Variants in EPHA6 observed in about 807,000 individuals in gnomAD.
EPHA6 encodes the protein EPH receptor A6.
Under a neutral mutation model 112.0 loss-of-function variants are expected in EPHA6, and 50 were observed. That is an observed-to-expected ratio of 0.45 (90% confidence interval 0.36 to 0.56). EPHA6 has a LOEUF of 0.56. EPHA6 is among the 20% of genes least tolerant of loss of function. The pLI, the probability that EPHA6 is intolerant of heterozygous loss-of-function variation, is 0.00. For synonymous variants in EPHA6, 529 were observed against 490.7 expected, an observed-to-expected ratio of 1.08 and a Z score of -1.03; for missense variants, 1,280 against 1,417.4, an observed-to-expected ratio of 0.90 and a Z score of 1.56.
intron 3 of EPHA6, among the ~76,000 whole-genome samples, chr3:97,133,562 T>C (rs1306365906): frequency 6.6e-6 from 1 of 151,986 alleles, no homozygotes; most frequent in Non-Finnish European, 1.5e-5. Flanking sequence ...GTTAAAATTA[T>C]CATAAAATAT....
At chr3:97,572,960 C>T (rs2093349056) in intron 11 of EPHA6, among the ~76,000 whole-genome samples, 1 of 152,192 alleles carries the variant, frequency 6.6e-6, no homozygotes, top group Non-Finnish European at 1.5e-5. Context: ...GACTCCAAAG[C>T]TCATGCTCTT....
At chr3:97,324,449 C>CTTTCT (rs1274459979) in intron 5 of EPHA6, among the ~76,000 whole-genome samples, 1 of 145,324 alleles carries the variant, frequency 6.9e-6, no homozygotes, top group Non-Finnish European at 1.5e-5. Flanking sequence ...TTCTTTCTTT[C>CTTTCT]TTTCTTTCTT....
At position 97,126,936 on chromosome 3, in the gene EPHA6, C is replaced by T. The variant is rs189522677; in HGVS notation, c.1115-99328C>T. On this transcript the variant is annotated intron_variant, in intron 3 of 17. Transcript: ENST00000389672. ...AGAACACTTAGATCTAATTGAGAAA[C>T]GAAAGAAAAAATTAAAACTGAAGAA... 1.8e-4 allele frequency among the ~76,000 whole-genome samples: 25 copies of T among 139,270 alleles called. No homozygotes were observed. In the East Asian group the frequency reaches 4.1e-3, roughly 23 times the overall value. 91.4% of individuals were successfully genotyped at this position (139,270 alleles called of 152,430 possible). A position where few individuals can be genotyped will look rare whatever the true frequency, so the allele number is the denominator to read the frequency against.
intron 3 of EPHA6, among the ~76,000 whole-genome samples, chr3:97,039,986 C>G (rs997310746): frequency 6.6e-6 from 1 of 151,762 alleles, no homozygotes; most frequent in Non-Finnish European, 1.5e-5. Flanking sequence ...GACCTATCAT[C>G]CTGTTGTTTG....
At chr3:97,296,792 A>G (rs1396329720) in intron 5 of EPHA6, among the ~76,000 whole-genome samples, 1 of 152,046 alleles carries the variant, frequency 6.6e-6, no homozygotes, top group Non-Finnish European at 1.5e-5. Flanking sequence ...GGGGCAGCCT[A>G]CTCAGTGCAC....
chr3:97,179,718 TC>T (rs1458893493), intron 3 of EPHA6, among the ~76,000 whole-genome samples: 1 of 11,854 alleles, frequency 8.4e-5, no homozygotes. Context: ...ACCTACAGAG[TC>T]TCTCTCTCTC....
chr3:97,075,072 G>A (rs190196350), intron 3 of EPHA6, among the ~76,000 whole-genome samples: 17 of 151,968 alleles, frequency 1.1e-4, no homozygotes, highest in Admixed American at 1.1e-3. Context: ...CAGCAATTAG[G>A]ACTACTTGCA....
chr3:97,507,814 A>G (rs1279081969), intron 10 of EPHA6, among the ~76,000 whole-genome samples: 1 of 151,858 alleles, frequency 6.6e-6, no homozygotes, highest in African/African-American at 2.4e-5. Context: ...TTGATAGGCT[A>G]TTAATTACTG....
chr3:97,565,729 G>C (rs1021721731), intron 11 of EPHA6, among the ~76,000 whole-genome samples: 1 of 151,962 alleles, frequency 6.6e-6, no homozygotes, highest in Non-Finnish European at 1.5e-5. Context: ...ATAAAGAAAA[G>C]AGATTTAGGC....
chr3:96,998,014 G>A (rs962163939), intron 3 of EPHA6, among the ~76,000 whole-genome samples: 41 of 151,742 alleles, frequency 2.7e-4, no homozygotes, highest in African/African-American at 9.7e-4. Flanking sequence ...TATAATTTTA[G>A]CAAATTATTT....
intron 5 of EPHA6, among the ~76,000 whole-genome samples, chr3:97,346,596 G>A (rs962391661): frequency 2.6e-5 from 4 of 151,940 alleles, no homozygotes; most frequent in East Asian, 3.9e-4. Context: ...AGGGAAAGGA[G>A]GAAGGAACGT....
chr3:97,743,671 A>T (rs185955856), intron 16 of EPHA6, among the ~76,000 whole-genome samples: 1 of 152,216 alleles, frequency 6.6e-6, no homozygotes, highest in East Asian at 1.9e-4. Flanking sequence ...TGCTAATCAC[A>T]TATACATGTA....
At chr3:97,152,105 A>G (rs1489322498) in intron 3 of EPHA6, among the ~76,000 whole-genome samples, 3 of 151,956 alleles carry the variant, frequency 2.0e-5, no homozygotes, top group East Asian at 3.9e-4. Context: ...TTTAAAATTA[A>G]TGGCCATAAT....
At chr3:97,627,134 C>G (rs2093864485) in intron 13 of EPHA6, among the ~76,000 whole-genome samples, 1 of 151,862 alleles carries the variant, frequency 6.6e-6, no homozygotes, top group African/African-American at 2.4e-5. Context: ...AGTTAGGTGG[C>G]TTGCCCAATG....
intron 5 of EPHA6, among the ~76,000 whole-genome samples, chr3:97,366,174 T>C (rs1488500431): frequency 3.3e-5 from 5 of 152,234 alleles, no homozygotes; most frequent in African/African-American, 1.2e-4. Context: ...CACATTGTGA[T>C]TTATTGATCC....
rs192949142 is a variant in EPHA6, at chr3:97,272,185, T to A, written c.1606+27898T>A. Among the ~76,000 whole-genome samples, 9 of 152,322 alleles carry A rather than the reference T, an allele frequency of 5.9e-5. No homozygotes were observed. In the East Asian group the frequency reaches 1.5e-3, roughly 26 times the overall value. On this transcript the variant is annotated intron_variant, in intron 5 of 17. Coordinates refer to ENST00000389672, the MANE Select transcript of EPHA6 (RefSeq NM_001080448.3). Reference sequence around the variant, plus strand: ...ACACATAAATGAGATCATACAGCATTTTCCTTTAGGGGTCTGCCTTACTTC... The same window carrying A: ...ACACATAAATGAGATCATACAGCATATTCCTTTAGGGGTCTGCCTTACTTC...
At chr3:97,559,116 AATG>A (rs2093153885) in intron 11 of EPHA6, among the ~76,000 whole-genome samples, 1 of 152,048 alleles carries the variant, frequency 6.6e-6, no homozygotes, top group Non-Finnish European at 1.5e-5. Flanking sequence ...TAAGTAGTAT[AATG>A]ATGACAAAAG....
At chr3:96,978,785 C>T (rs1015512687) in intron 2 of EPHA6, among the ~76,000 whole-genome samples, 2 of 152,004 alleles carry the variant, frequency 1.3e-5, no homozygotes, top group Non-Finnish European at 2.9e-5. Context: ...GTATTTTGTA[C>T]TTCTATATTT....
At chr3:97,713,291 A>G (rs2034061911) in intron 14 of EPHA6, among the ~76,000 whole-genome samples, 1 of 152,154 alleles carries the variant, frequency 6.6e-6, no homozygotes, top group Admixed American at 6.5e-5. Flanking sequence ...TTTTCAACCC[A>G]AGGACCAATA....
Sources: gnomAD v4.1 joint callset for allele counts (sites outside exome capture counted in the v4.1 genomes callset) on GRCh38, gnomAD v4.1.1 for gene constraint, MANE v1.5 for transcripts, NCBI Gene and HGNC (gene_info 2026-07-23, HGNC 2026-07-21) for gene names.